TBC1D22A: variants seen among roughly 807,000 people sequenced by gnomAD.
TBC1D22A encodes the protein putative GTPase activator.
TBC1D22A carries 38 observed loss-of-function variants against 60.2 expected under a neutral mutation model. The ratio of observed to expected loss-of-function variants is 0.63; its 90% CI spans 0.49 to 0.83. The LOEUF (loss-of-function observed/expected upper bound fraction) is 0.83. TBC1D22A is among the 40% of genes least tolerant of loss of function. The probability of loss-of-function intolerance (pLI) is 0.00; values close to 1 mark genes in which losing one functional copy is unlikely to be tolerated. For synonymous variants in TBC1D22A, 302 were observed against 281.7 expected (o/e 1.07, Z -0.72); for missense variants, 628 against 701.0 (o/e 0.90, Z 1.18).
intron 7 of TBC1D22A, among the ~76,000 whole-genome samples, chr22:46,910,837 G>C (rs1396412123): frequency 6.7e-6 from 1 of 148,488 alleles, no homozygotes; most frequent in Non-Finnish European, 1.5e-5. Flanking sequence ...TGATCACTCA[G>C]GGGGATCGAG....
intron 12 of TBC1D22A, among the ~76,000 whole-genome samples, chr22:47,126,225 G>A (rs1485775051): frequency 1.3e-5 from 2 of 152,268 alleles, no homozygotes; most frequent in Non-Finnish European, 2.9e-5. Flanking sequence ...CAGGTAATCC[G>A]CCTGCCTTGG....
chr22:47,044,950 C>T (rs2148422927), intron 11 of TBC1D22A, among the ~76,000 whole-genome samples: 1 of 152,308 alleles, frequency 6.6e-6, no homozygotes, highest in East Asian at 1.9e-4. Context: ...GCTCCAGCAC[C>T]TTTGGGCAGG....
chr22:46,786,028 C>A (rs2084145642), intron 1 of TBC1D22A, among the ~76,000 whole-genome samples: 1 of 152,190 alleles, frequency 6.6e-6, no homozygotes, highest in Non-Finnish European at 1.5e-5. Flanking sequence ...GTTATTCTCC[C>A]CACCTTGGCC....
At chr22:46,819,089 C>T (rs1057475604) in intron 4 of TBC1D22A, among the ~76,000 whole-genome samples, 11 of 152,124 alleles carry the variant, frequency 7.2e-5, no homozygotes, top group African/African-American at 2.7e-4. Flanking sequence ...GTTTTGTATC[C>T]TGAGACTTTG....
intron 4 of TBC1D22A, among the ~76,000 whole-genome samples, chr22:46,825,411 G>A (rs1260336054): frequency 6.6e-6 from 1 of 152,182 alleles, no homozygotes; most frequent in Non-Finnish European, 1.5e-5. Context: ...GAGATGCAGA[G>A]AACTTTGTTC....
chr22:47,027,434 C>T (rs903525487), intron 10 of TBC1D22A, among the ~76,000 whole-genome samples: 1 of 152,054 alleles, frequency 6.6e-6, no homozygotes, highest in African/African-American at 2.4e-5. Flanking sequence ...ACCCATCTCC[C>T]GAGCAGTATA....
intron 8 of TBC1D22A, among the ~76,000 whole-genome samples, chr22:46,951,841 C>T (rs1005705537): frequency 6.6e-6 from 1 of 152,220 alleles, no homozygotes; most frequent in Non-Finnish European, 1.5e-5. Flanking sequence ...ATGCTTTCAT[C>T]CCTGAGCACA....
At chr22:46,956,397 A>G (rs1425522902) in intron 8 of TBC1D22A, among the ~76,000 whole-genome samples, 1 of 152,224 alleles carries the variant, frequency 6.6e-6, no homozygotes, top group Non-Finnish European at 1.5e-5. Flanking sequence ...CGTCCTGGCT[A>G]ACACGGTGAA....
chr22:46,858,690 G>A (rs1164793198), intron 4 of TBC1D22A, among the ~76,000 whole-genome samples: 15 of 152,196 alleles, frequency 9.9e-5, no homozygotes, highest in Admixed American at 9.2e-4. Context: ...TGGCGGGTGT[G>A]CTTCGAGCGC....
intron 10 of TBC1D22A, among the ~76,000 whole-genome samples, chr22:47,023,144 AATAG>A (rs1569349440): frequency 1.3e-5 from 2 of 152,236 alleles, no homozygotes; most frequent in Non-Finnish European, 2.9e-5. Context: ...AATCTGGAGA[AATAG>A]ATAAAGACAT....
At position 46,838,173 on chromosome 22, in the gene TBC1D22A, C is replaced by T. The variant is rs139246388; in HGVS notation, c.638-40480C>T. On this transcript the variant is annotated intron_variant, in intron 4 of 12. Transcript: ENST00000337137. ...AGACAGAAAACAGTAAAGATTAGAA[C>T]AAGTAAATGAAATAGAGAGTAGAAA... Among the ~76,000 whole-genome samples, 710 of 152,064 alleles carry T rather than the reference C, an allele frequency of 4.7e-3. 7 individuals carry two copies. The highest frequency in any genetic ancestry group is 0.016 in the African/African-American group (665 of 41,460).
intron 10 of TBC1D22A, among the ~76,000 whole-genome samples, chr22:47,018,658 G>A (rs2061980785): frequency 6.6e-6 from 1 of 152,122 alleles, no homozygotes; most frequent in Non-Finnish European, 1.5e-5. Context: ...ATCAGGCTTA[G>A]GCTCTAAAGA....
At chr22:47,048,283 G>T (rs1173387649) in intron 11 of TBC1D22A, among the ~76,000 whole-genome samples, 2 of 152,240 alleles carry the variant, frequency 1.3e-5, no homozygotes, top group East Asian at 3.9e-4. Context: ...AGCACTTACC[G>T]GGTCAGCCCA....
intron 7 of TBC1D22A, among the ~76,000 whole-genome samples, chr22:46,910,845 G>A (rs980745084): frequency 1.1e-4 from 17 of 148,908 alleles, no homozygotes; most frequent in African/African-American, 3.6e-4. Flanking sequence ...CAGGGGGATC[G>A]AGACCCAGGG....
At chr22:46,795,251 T>C (rs1279422884) in intron 3 of TBC1D22A, among the ~76,000 whole-genome samples, 1 of 152,248 alleles carries the variant, frequency 6.6e-6, no homozygotes, top group Non-Finnish European at 1.5e-5. Context: ...CAGTCGGAGT[T>C]GGCAGGATCC....
chr22:47,115,468 C>T (rs902625198), intron 12 of TBC1D22A, among the ~76,000 whole-genome samples: 2 of 151,732 alleles, frequency 1.3e-5, no homozygotes, highest in South Asian at 2.1e-4. Flanking sequence ...ACTGTGCCTT[C>T]CATCTGCCAC....
chr22:46,828,254 G>A (rs113088878), intron 4 of TBC1D22A, among the ~76,000 whole-genome samples: 129 of 152,338 alleles, frequency 8.5e-4, no homozygotes, highest in African/African-American at 2.9e-3. Flanking sequence ...ATAAATATAT[G>A]TAAGTGTGAT....
intron 11 of TBC1D22A, among the ~76,000 whole-genome samples, chr22:47,078,953 T>TG (rs1189822472): frequency 6.6e-6 from 1 of 152,184 alleles, no homozygotes; most frequent in Non-Finnish European, 1.5e-5. Context: ...TCAGCTACAG[T>TG]GTCCTCAACT....
chr22:46,903,136 A>G (rs574078906), intron 7 of TBC1D22A, among the ~76,000 whole-genome samples: 2 of 152,048 alleles, frequency 1.3e-5, no homozygotes, highest in African/African-American at 2.4e-5. Context: ...CTCTTTCCTC[A>G]GGGGACTCTG....
Sources: allele counts gnomAD v4.1 joint callset (sites outside exome capture counted in the v4.1 genomes callset), GRCh38; gene constraint gnomAD v4.1.1; transcripts MANE v1.5; gene names NCBI Gene and HGNC (gene_info 2026-07-23, HGNC 2026-07-21).